Variants in RASEF observed in about 807,000 individuals in gnomAD.
RASEF encodes the protein ras and EF-hand domain-containing protein.
RASEF carries 68 observed loss-of-function variants against 90.1 expected under a neutral mutation model. That is an observed-to-expected ratio of 0.75 (90% CI 0.62 to 0.92). The LOEUF is 0.92. Ranked by LOEUF, RASEF falls within the 40% of genes least tolerant of loss-of-function variation. The probability of loss-of-function intolerance (pLI) is 0.00; values close to 1 mark genes in which losing one functional copy is unlikely to be tolerated. For synonymous variants in RASEF, 331 were observed against 345.2 expected, an observed-to-expected ratio of 0.96 and a Z score of 0.46; for missense variants, 949 against 937.2, an observed-to-expected ratio of 1.01 and a Z score of -0.16.
chr9:83,177,615 GT>G, the RASEF span, among the ~76,000 whole-genome samples: 517 of 146,536 alleles, frequency 3.5e-3, no homozygotes, highest in South Asian at 0.013. Flanking sequence ...TCATTTAGTT[GT>G]TTTTTTTTTT....
At chr9:83,037,744 ATT>A (rs35483330) in intron 1 of RASEF, among the ~76,000 whole-genome samples, 3,084 of 131,818 alleles carry the variant, frequency 0.023, 74 homozygotes, top group African/African-American at 0.076. Flanking sequence ...TAAATGTCCT[ATT>A]TTTTTTTTTT....
chr9:82,994,931 A>G (rs1363760202), intron 14 of RASEF, among the ~76,000 whole-genome samples: 1 of 152,198 alleles, frequency 6.6e-6, no homozygotes, highest in African/African-American at 2.4e-5. Flanking sequence ...ATTTCCGCCC[A>G]TATTTACAGT....
the RASEF span, among the ~76,000 whole-genome samples, chr9:83,147,538 G>T: frequency 6.6e-6 from 1 of 152,142 alleles, no homozygotes; most frequent in African/African-American, 2.4e-5. Context: ...ATGCAGATGG[G>T]ATGGTATACA....
the RASEF span, among the ~76,000 whole-genome samples, chr9:83,193,754 G>T: frequency 1.3e-5 from 2 of 152,152 alleles, no homozygotes; most frequent in Non-Finnish European, 2.9e-5. Context: ...GGCAATAAAT[G>T]ACTGAAGACA....
At chr9:83,179,128 T>A in the RASEF span, among the ~76,000 whole-genome samples, 5 of 152,202 alleles carry the variant, frequency 3.3e-5, no homozygotes, top group African/African-American at 9.6e-5. Flanking sequence ...CTTAGATTTA[T>A]AACAAAAGGA....
At chr9:83,001,873 G>A (rs557084499) in intron 9 of RASEF, among the ~76,000 whole-genome samples, 80 of 152,256 alleles carry the variant, frequency 5.3e-4, no homozygotes, top group African/African-American at 1.8e-3. Context: ...TTGACACACC[G>A]TCTGGAAACA....
chr9:83,000,461 C>T lies in RASEF; in HGVS notation c.1547G>A (p.Arg516Lys). 1 of 1,614,078 alleles carries T rather than the reference C, an allele frequency of 6.2e-7. No individual in the cohort carries two copies. The highest frequency in any genetic ancestry group is 8.5e-7 in the Non-Finnish European group (1 of 1,179,990). The change falls in exon 11 of 17, where the codon AGA (arginine) becomes AAA (lysine). Residue 516 changes from arginine to lysine, a missense_variant. Physicochemically the swap from Arg to Lys is conservative, Grantham distance 26. Coordinates refer to ENST00000376447, the MANE Select transcript of RASEF (RefSeq NM_152573.4). ...GGGCGAGAGTGCTGAGATGGGCTTT[C>T]TTGATGAACTAACAATGCTGCCTTC... ...VSEGSIVSSS[R>K]KPISALSPQT...
At chr9:82,995,145 G>C (rs528385277) in intron 14 of RASEF, among the ~76,000 whole-genome samples, 1 of 152,132 alleles carries the variant, frequency 6.6e-6, no homozygotes, top group Admixed American at 6.5e-5. Flanking sequence ...TACCAATGGC[G>C]GAAAAGATGA....
chr9:83,085,785 C>T, the RASEF span, among the ~76,000 whole-genome samples: 1 of 151,672 alleles, frequency 6.6e-6, no homozygotes, highest in African/African-American at 2.4e-5. Context: ...ATTAGCGAGG[C>T]GTGGTGGCAT....
At chr9:83,100,601 C>A in the RASEF span, among the ~76,000 whole-genome samples, 60 of 152,310 alleles carry the variant, frequency 3.9e-4, no homozygotes, top group African/African-American at 1.4e-3. Context: ...TATACCCCCT[C>A]TCCTTCCATA....
chr9:83,130,083 AAT>A, the RASEF span, among the ~76,000 whole-genome samples: 6 of 152,360 alleles, frequency 3.9e-5, 1 homozygote, highest in Middle Eastern at 3.4e-3. Flanking sequence ...GAAGAAAAGC[AAT>A]ATGAGTTCCA....
chr9:83,179,100 T>C, the RASEF span, among the ~76,000 whole-genome samples: 2 of 152,192 alleles, frequency 1.3e-5, no homozygotes, highest in African/African-American at 4.8e-5. Context: ...TCACAGTACT[T>C]ATACCATTAT....
At position 82,980,654 on chromosome 9, in the gene RASEF, A is replaced by T. The variant is rs1224766792; in HGVS notation, c.*2023T>A. On this transcript the variant is annotated 3_prime_UTR_variant, in exon 17 of 17. Coordinates refer to ENST00000376447, the MANE Select transcript of RASEF (RefSeq NM_152573.4). Reference sequence around the variant, plus strand: ...CACAGTTTTGTGCAACTGCACCAAAACCTAAACATGTGTCCCATATATCAG... The same window carrying T: ...CACAGTTTTGTGCAACTGCACCAAATCCTAAACATGTGTCCCATATATCAG... 6.6e-6 allele frequency: 1 copy of T among 152,056 alleles called. No individual in the cohort carries two copies. Among genetic ancestry groups the T allele is most frequent in the Non-Finnish European group, 1.5e-5 (1 of 68,012 alleles). The allele number at this position is 152,056 out of a possible 1,614,324, so 9.4% of individuals were successfully genotyped here.
the RASEF span, among the ~76,000 whole-genome samples, chr9:83,188,296 A>C: frequency 6.6e-6 from 1 of 152,246 alleles, no homozygotes; most frequent in African/African-American, 2.4e-5. Flanking sequence ...GACTTGCCCA[A>C]GGACTTTCTT....
the RASEF span, among the ~76,000 whole-genome samples, chr9:83,133,453 T>C: frequency 6.6e-6 from 1 of 152,318 alleles, no homozygotes; most frequent in African/African-American, 2.4e-5. Context: ...ACTTACTGAT[T>C]TGATAAAAGA....
the RASEF span, among the ~76,000 whole-genome samples, chr9:83,136,366 G>T: frequency 7.2e-5 from 11 of 152,050 alleles, no homozygotes; most frequent in Non-Finnish European, 1.5e-4. Flanking sequence ...AATAAAGTTA[G>T]ATTGAACACC....
chr9:83,037,391 G>C (rs1346626580), intron 1 of RASEF, among the ~76,000 whole-genome samples: 3 of 151,852 alleles, frequency 2.0e-5, no homozygotes, highest in African/African-American at 7.3e-5. Flanking sequence ...TCAACGTTCA[G>C]GAAGTTCATT....
At chr9:83,207,859 G>A in the RASEF span, among the ~76,000 whole-genome samples, 16 of 152,150 alleles carry the variant, frequency 1.1e-4, no homozygotes, top group African/African-American at 2.9e-4. Context: ...ACCCGTCTCC[G>A]CCTCCCAAAG....
intron 1 of RASEF, among the ~76,000 whole-genome samples, chr9:83,034,765 T>C (rs1269534945): frequency 1.3e-5 from 2 of 152,186 alleles, no homozygotes; most frequent in Non-Finnish European, 2.9e-5. Flanking sequence ...ATTTAAATGC[T>C]TCCTCCACCA....
Sources: allele counts gnomAD v4.1 joint callset (sites outside exome capture counted in the v4.1 genomes callset), GRCh38; gene constraint gnomAD v4.1.1; transcripts MANE v1.5; gene names NCBI Gene and HGNC (gene_info 2026-07-23, HGNC 2026-07-21).